CHN1: variants seen among roughly 807,000 people sequenced by gnomAD.
The protein encoded by CHN1 is chimerin 1.
A neutral mutation model predicts 59.5 loss-of-function variants in CHN1; 37 were observed. That is an observed-to-expected ratio of 0.62 (90% CI 0.48 to 0.82). CHN1 has a LOEUF of 0.82. Ranked by LOEUF, CHN1 falls within the 40% of genes least tolerant of loss-of-function variation. CHN1 has a pLI of 0.00. For missense variants in CHN1, 469 were observed against 571.0 expected (o/e 0.82, Z 1.82); for synonymous variants, 206 against 200.4 (o/e 1.03, Z -0.24).
intron 1 of CHN1, among the ~76,000 whole-genome samples, chr2:174,990,299 G>C (rs1015007685): frequency 3.1e-5 from 4 of 127,110 alleles, no homozygotes; most frequent in Non-Finnish European, 4.9e-5. Flanking sequence ...GCGAGCGCAA[G>C]AGCAAGAGTG....
intron 1 of CHN1, among the ~76,000 whole-genome samples, chr2:174,996,909 C>A (rs560181317): frequency 1.3e-5 from 2 of 152,278 alleles, no homozygotes; most frequent in African/African-American, 4.8e-5. Context: ...TCACTTCCTT[C>A]AAGTCTGCTC....
intron 1 of CHN1, among the ~76,000 whole-genome samples, chr2:174,953,553 A>C (rs1200343646): frequency 6.6e-6 from 1 of 152,208 alleles, no homozygotes; most frequent in Non-Finnish European, 1.5e-5. Flanking sequence ...AAGCTCCTAG[A>C]ACTGGTAAAT....
chr2:174,853,912 T>C (rs777029537), intron 6 of CHN1, among the ~76,000 whole-genome samples: 7 of 152,044 alleles, frequency 4.6e-5, no homozygotes, highest in Non-Finnish European at 1.0e-4. Context: ...GAACATAAAC[T>C]TGGGAACAAT....
At chr2:174,854,153 A>G (rs1686829538) in intron 6 of CHN1, among the ~76,000 whole-genome samples, 1 of 152,124 alleles carries the variant, frequency 6.6e-6, no homozygotes, top group Admixed American at 6.6e-5. Context: ...TTTACAATAA[A>G]GTGTTTAAAA....
chr2:174,902,551 A>G (rs552746348), intron 5 of CHN1, among the ~76,000 whole-genome samples: 19 of 152,304 alleles, frequency 1.2e-4, no homozygotes, highest in Non-Finnish European at 2.5e-4. Flanking sequence ...ATGATTCATA[A>G]TCTAAACTAA....
intron 4 of CHN1, 33 bp downstream of exon 4, chr2:174,918,501 T>A: frequency 2.0e-6 from 3 of 1,527,874 alleles, no homozygotes; most frequent in Non-Finnish European, 1.8e-6. Flanking sequence ...CATATGCCAA[T>A]CTATAAAACG....
chr2:174,929,542 C>T (rs1192382740), intron 3 of CHN1, among the ~76,000 whole-genome samples: 1 of 151,674 alleles, frequency 6.6e-6, no homozygotes, highest in African/African-American at 2.4e-5. Flanking sequence ...CATGCCACTG[C>T]ACTCCAGCCT....
At chr2:174,808,182 T>C (rs1043158442) in intron 11 of CHN1, among the ~76,000 whole-genome samples, 7 of 152,256 alleles carry the variant, frequency 4.6e-5, no homozygotes, top group Non-Finnish European at 7.3e-5. Context: ...AGTGAACTTA[T>C]ACAAGCACAG....
chr2:174,823,649 T>C (rs189431309), intron 8 of CHN1, among the ~76,000 whole-genome samples: 2,991 of 150,198 alleles, frequency 0.02, 98 homozygotes, highest in African/African-American at 0.069. Context: ...GGAGACAGAG[T>C]GAGACTCTGT....
chr2:174,823,360 T>C (rs951270651), intron 8 of CHN1, among the ~76,000 whole-genome samples: 5 of 152,204 alleles, frequency 3.3e-5, no homozygotes, highest in Admixed American at 6.5e-5. Flanking sequence ...TTTAAGCCTA[T>C]GTCAGAATTT....
At chr2:174,885,623 C>T (rs1009625488) in intron 5 of CHN1, among the ~76,000 whole-genome samples, 1 of 152,056 alleles carries the variant, frequency 6.6e-6, no homozygotes, top group Non-Finnish European at 1.5e-5. Flanking sequence ...GGATTACAGA[C>T]GTGCACCACC....
intron 6 of CHN1, among the ~76,000 whole-genome samples, chr2:174,872,814 C>A (rs1004719162): frequency 1.3e-5 from 2 of 152,136 alleles, no homozygotes; most frequent in African/African-American, 4.8e-5. Flanking sequence ...CAGGAATGGG[C>A]ACCTGGTTGG....
At chr2:174,884,162 G>A (rs571501598) in intron 5 of CHN1, among the ~76,000 whole-genome samples, 9 of 151,634 alleles carry the variant, frequency 5.9e-5, no homozygotes, top group Admixed American at 2.6e-4. Flanking sequence ...TAGTAGAGAC[G>A]GGGTTTCACC....
At chr2:174,977,939 T>C (rs1691004052) in intron 1 of CHN1, among the ~76,000 whole-genome samples, 1 of 152,158 alleles carries the variant, frequency 6.6e-6, no homozygotes, top group Non-Finnish European at 1.5e-5. Flanking sequence ...ATAATGACTT[T>C]CATTCTATTA....
intron 7 of CHN1, among the ~76,000 whole-genome samples, chr2:174,843,004 C>G (rs181440390): frequency 9.6e-4 from 146 of 152,264 alleles, no homozygotes; most frequent in Admixed American, 6.5e-3. Flanking sequence ...TTAGTATCTA[C>G]TCCCTATAAT....
At chr2:174,950,966 G>C (rs780160383) in intron 2 of CHN1, among the ~76,000 whole-genome samples, 12 of 151,958 alleles carry the variant, frequency 7.9e-5, no homozygotes, top group South Asian at 2.1e-4. Flanking sequence ...TTTCAGTAGA[G>C]ATGGGTTTCA....
chr2:175,002,053 A>G (rs1403647472), intron 1 of CHN1, among the ~76,000 whole-genome samples: 1 of 152,226 alleles, frequency 6.6e-6, no homozygotes, highest in Non-Finnish European at 1.5e-5. Flanking sequence ...ATAGTTCTAG[A>G]AAAGACTCTG....
intron 3 of CHN1, 55 bp from the exon 4 acceptor site, chr2:174,918,620 A>G: frequency 7.2e-7 from 1 of 1,387,374 alleles, no homozygotes; most frequent in Non-Finnish European, 9.9e-7. Flanking sequence ...TGTGCAGAAC[A>G]TAACTCAACA....
chr2:174,838,834 G>A (rs1197680769), intron 7 of CHN1, among the ~76,000 whole-genome samples: 1 of 151,972 alleles, frequency 6.6e-6, no homozygotes, highest in Non-Finnish European at 1.5e-5. Flanking sequence ...GACCAACATG[G>A]CGAAACCCCA....
Sources: allele counts gnomAD v4.1 joint callset (sites outside exome capture counted in the v4.1 genomes callset), GRCh38; gene constraint gnomAD v4.1.1; transcripts MANE v1.5; gene names NCBI Gene and HGNC (gene_info 2026-07-23, HGNC 2026-07-21).